HTR4: variants seen among roughly 807,000 people sequenced by gnomAD.
HTR4 encodes 5-hydroxytryptamine (serotonin) receptor 4, G protein-coupled.
Under a neutral mutation model 36.8 loss-of-function variants are expected in HTR4, and 16 were observed. The observed-to-expected ratio is 0.43, with a 90% CI of 0.29 to 0.66. The LOEUF (loss-of-function observed/expected upper bound fraction) is 0.66. HTR4 is among the 30% of genes least tolerant of loss of function. The probability of loss-of-function intolerance (pLI) is 0.13; values close to 1 mark genes in which losing one functional copy is unlikely to be tolerated. For missense variants in HTR4, 438 were observed against 490.9 expected (o/e 0.89, Z 1.02); for synonymous variants, 189 against 185.1 (o/e 1.02, Z -0.17).
chr5:148,518,965 T>C (rs1005701492), intron 5 of HTR4, among the ~76,000 whole-genome samples: 1 of 152,206 alleles, frequency 6.6e-6, no homozygotes, highest in African/African-American at 2.4e-5. Context: ...ACCTGAAATA[T>C]ATCGTACTTT....
At chr5:148,479,909 C>T (rs1230513113), downstream of HTR4, among the ~76,000 whole-genome samples, 4 of 152,120 alleles carry the variant, frequency 2.6e-5, no homozygotes, top group Admixed American at 2.6e-4. Flanking sequence ...AAGTTGTTAG[C>T]TAAAATAGCA....
intron 4 of HTR4, 78 bp downstream of exon 4, chr5:148,548,590 A>C: frequency 1.8e-6 from 2 of 1,129,290 alleles, no homozygotes; most frequent in Non-Finnish European, 2.6e-6. Context: ...ATGAATAAGA[A>C]AAGGCAGACA....
At chr5:148,560,162 G>A in intron 2 of HTR4, among the ~76,000 whole-genome samples, 1 of 132,976 alleles carries the variant, frequency 7.5e-6, no homozygotes, top group Admixed American at 7.9e-5. Context: ...CCCAGTTAAC[G>A]TTTTTTCTTT....
intron 6 of HTR4, among the ~76,000 whole-genome samples, chr5:148,484,536 C>A (rs1756059278): frequency 6.6e-6 from 1 of 152,138 alleles, no homozygotes; most frequent in South Asian, 2.1e-4. Context: ...ATTCCCCAGT[C>A]CTAGAAGAAG....
At chr5:148,540,729 C>G (rs1759080201) in intron 4 of HTR4, among the ~76,000 whole-genome samples, 1 of 151,854 alleles carries the variant, frequency 6.6e-6, no homozygotes, top group Non-Finnish European at 1.5e-5. Context: ...GATAGAACCC[C>G]AGAGCCCAGT....
chr5:148,523,366 C>T lies in HTR4; in HGVS notation c.354-20G>A, dbSNP rs199980452. On this transcript the variant is annotated intron_variant, in intron 4 of 6. Coordinates refer to ENST00000377888, the MANE Select transcript of HTR4 (RefSeq NM_000870.7). ...TAATACCTGGAGAGAGAATAGAGGG[C>T]AGAGCATAGGCATGGGCAAGGAGGA... The T allele has an allele frequency of 6.3e-6, 10 of 1,591,028 alleles. No individual in the cohort carries two copies. In the South Asian group the frequency reaches 1.1e-4, roughly 18 times the overall value.
At chr5:148,505,302 G>C (rs1045884797) in intron 6 of HTR4, among the ~76,000 whole-genome samples, 1 of 152,242 alleles carries the variant, frequency 6.6e-6, no homozygotes, top group East Asian at 1.9e-4. Flanking sequence ...TGCAGAAAAG[G>C]CCTTTGACAA....
chr5:148,564,776 C>T (rs1464355123), intron 2 of HTR4, among the ~76,000 whole-genome samples: 1 of 152,138 alleles, frequency 6.6e-6, no homozygotes, highest in East Asian at 1.9e-4. Context: ...ACTTTTAAGT[C>T]TATTTTCTAG....
chr5:148,477,648 G>A (rs1051511879), downstream of HTR4, among the ~76,000 whole-genome samples: 8 of 152,152 alleles, frequency 5.3e-5, 1 homozygote, highest in African/African-American at 9.7e-5. Flanking sequence ...GGTTAAATGA[G>A]GTGTCTCATG....
At chr5:148,459,368 G>C (rs892029420) in intron 5 of HTR4, among the ~76,000 whole-genome samples, 3 of 152,128 alleles carry the variant, frequency 2.0e-5, no homozygotes, top group Non-Finnish European at 4.4e-5. Flanking sequence ...TAATTATTTT[G>C]AAATATTCCA....
intron 2 of HTR4, among the ~76,000 whole-genome samples, chr5:148,603,191 G>T (rs543602736): frequency 6.6e-6 from 1 of 151,850 alleles, no homozygotes; most frequent in South Asian, 2.1e-4. Flanking sequence ...GAATAAAACC[G>T]CATCTAAAGC....
At chr5:148,545,789 G>A (rs1046132695) in intron 4 of HTR4, among the ~76,000 whole-genome samples, 3 of 152,152 alleles carry the variant, frequency 2.0e-5, no homozygotes, top group South Asian at 2.1e-4. Context: ...AACAGAGGGT[G>A]AAAAACCTTG....
intron 1 of HTR4, chr5:148,644,668 C>T (rs1177755236): frequency 6.6e-6 from 1 of 151,964 alleles, no homozygotes; most frequent in Admixed American, 6.6e-5. Context: ...AAACATATGC[C>T]TCAGAATTCT....
chr5:148,591,016 G>C (rs141542520), intron 2 of HTR4, among the ~76,000 whole-genome samples: 249 of 152,292 alleles, frequency 1.6e-3, no homozygotes, highest in African/African-American at 5.7e-3. Flanking sequence ...TATGGTGTAA[G>C]GAAGGGGTCC....
At chr5:148,537,654 G>A (rs1164716163) in intron 4 of HTR4, among the ~76,000 whole-genome samples, 5 of 151,910 alleles carry the variant, frequency 3.3e-5, no homozygotes, top group South Asian at 2.1e-4. Context: ...ATAAATTCCC[G>A]GACACATACA....
At chr5:148,499,572 C>T (rs933767118) in intron 6 of HTR4, among the ~76,000 whole-genome samples, 1 of 152,306 alleles carries the variant, frequency 6.6e-6, no homozygotes, top group Non-Finnish European at 1.5e-5. Flanking sequence ...AGTTCTCCCT[C>T]AGAGCCACAG....
chr5:148,470,511 TAG>T (rs1265777057), intron 5 of HTR4, among the ~76,000 whole-genome samples: 1 of 152,234 alleles, frequency 6.6e-6, no homozygotes, highest in Admixed American at 6.5e-5. Context: ...TGAAGCCACA[TAG>T]AGTCTTTGTT....
chr5:148,463,643 G>A (rs756612978), intron 5 of HTR4, among the ~76,000 whole-genome samples: 2 of 151,846 alleles, frequency 1.3e-5, no homozygotes, highest in Non-Finnish European at 2.9e-5. Context: ...AGATGTCAAG[G>A]CTTATAATTG....
chr5:148,589,158 C>T (rs1382973469), intron 2 of HTR4, among the ~76,000 whole-genome samples: 1 of 152,098 alleles, frequency 6.6e-6, no homozygotes. Flanking sequence ...AATAAACATA[C>T]CTGTGCACAA....
Sources: allele counts gnomAD v4.1 joint callset (sites outside exome capture counted in the v4.1 genomes callset), GRCh38; gene constraint gnomAD v4.1.1; transcripts MANE v1.5; gene names NCBI Gene and HGNC (gene_info 2026-07-23, HGNC 2026-07-21).